AVL9: variants seen among roughly 807,000 people sequenced by gnomAD.
AVL9 encodes late secretory pathway protein AVL9 homolog.
A neutral mutation model predicts 79.2 loss-of-function variants in AVL9; 49 were observed. The ratio of observed to expected loss-of-function variants is 0.62; its 90% CI spans 0.49 to 0.79. The LOEUF is 0.79. Ranked by LOEUF, AVL9 falls within the 30% of genes least tolerant of loss-of-function variation. The pLI, the probability that AVL9 is intolerant of heterozygous loss-of-function variation, is 0.00. For synonymous variants in AVL9, 299 were observed against 280.6 expected (o/e 1.07, Z -0.65); for missense variants, 682 against 776.8 (o/e 0.88, Z 1.45).
At chr7:32,583,563 T>C (rs978528448) in intron 15 of AVL9, among the ~76,000 whole-genome samples, 3 of 152,082 alleles carry the variant, frequency 2.0e-5, no homozygotes, top group Admixed American at 6.6e-5. Context: ...CCTGTGGTCC[T>C]AGCTACTTGG....
chr7:32,525,080 T>C (rs1473328254), intron 1 of AVL9, among the ~76,000 whole-genome samples: 1 of 152,214 alleles, frequency 6.6e-6, no homozygotes. Context: ...ATGAGCTGTT[T>C]GGCTCGTGAA....
intron 11 of AVL9, among the ~76,000 whole-genome samples, chr7:32,571,072 A>T (rs1790818704): frequency 6.7e-6 from 1 of 150,352 alleles, no homozygotes; most frequent in Non-Finnish European, 1.5e-5. Context: ...TCTACTAAAA[A>T]TACAAAAAAA....
At chr7:32,514,055 C>T (rs769160667) in intron 1 of AVL9, among the ~76,000 whole-genome samples, 2 of 152,196 alleles carry the variant, frequency 1.3e-5, no homozygotes, top group East Asian at 1.9e-4. Context: ...ATAGAATGTA[C>T]GCTCGGTTTT....
intron 1 of AVL9, among the ~76,000 whole-genome samples, chr7:32,500,815 T>A (rs1787096977): frequency 6.6e-6 from 1 of 152,214 alleles, no homozygotes; most frequent in African/African-American, 2.4e-5. Context: ...AGTTTCAGTT[T>A]TCTGCATATG....
intron 9 of AVL9, 149 bp from the exon 10 acceptor site, chr7:32,558,780 T>C: frequency 9.8e-7 from 1 of 1,015,806 alleles, no homozygotes; most frequent in Non-Finnish European, 1.4e-6. Context: ...CTCTCTTTTG[T>C]CTGGGCTTCT....
At chr7:32,503,367 T>TACACACACACACACAC (rs1278670017) in intron 1 of AVL9, among the ~76,000 whole-genome samples, 1,457 of 88,150 alleles carry the variant, frequency 0.017, 42 homozygotes, top group Admixed American at 0.046. Flanking sequence ...GAGAGATATA[T>TACACACACACACACAC]ATATATACAC....
chr7:32,521,932 C>T (rs534282912), intron 1 of AVL9, among the ~76,000 whole-genome samples: 1 of 152,294 alleles, frequency 6.6e-6, no homozygotes, highest in African/African-American at 2.4e-5. Context: ...CAGGTTGTGG[C>T]CTCAGAGGGT....
At chr7:32,567,106 T>C (rs529217631) in intron 10 of AVL9, among the ~76,000 whole-genome samples, 20 of 151,812 alleles carry the variant, frequency 1.3e-4, no homozygotes, top group African/African-American at 4.9e-4. Flanking sequence ...TTTGTAACTT[T>C]GTTTGTTTGT....
chr7:32,553,776 C>A lies in AVL9; in HGVS notation c.570+9C>A. On this transcript the variant is annotated intron_variant, in intron 7 of 15. Coordinates refer to ENST00000318709, the MANE Select transcript of AVL9 (RefSeq NM_015060.3). Reference sequence around the variant, plus strand: ...TTCATTTTCGACACAAGGTATGGTACCTTATTTAAATAAATTTATGATGTA... The same window carrying A: ...TTCATTTTCGACACAAGGTATGGTAACTTATTTAAATAAATTTATGATGTA... The A allele has an allele frequency of 1.2e-6, 2 of 1,601,584 alleles. No individual in the cohort carries two copies. The highest frequency in any genetic ancestry group is 1.7e-6 in the Non-Finnish European group (2 of 1,169,848).
intron 2 of AVL9, among the ~76,000 whole-genome samples, chr7:32,544,272 A>G (rs952337966): frequency 1.3e-5 from 2 of 152,226 alleles, no homozygotes; most frequent in Admixed American, 6.5e-5. Context: ...ATCACAGCTA[A>G]GAGATGTAAC....
In AVL9 at chr7:32,583,785, C is replaced by T. The variant is rs771629305; in HGVS notation, c.1832-7C>T. The T allele has an allele frequency of 3.8e-6, 6 of 1,591,592 alleles. No individual in the cohort carries two copies. The Admixed American group carries it at 1.0e-4, about 27-fold the overall frequency. On this transcript the variant is annotated splice_region_variant and splice_polypyrimidine_tract_variant and intron_variant, in intron 15 of 15. Transcript: ENST00000318709. The stretch of plus-strand genomic sequence containing the variant: ...TTTTTCCTTTTGTTTTTCTCCTCTC[C>T]ATCCAGGCCAGTCAGTTGGAGGAGC...
intron 11 of AVL9, 65 bp from the exon 12 acceptor site, chr7:32,573,134 G>GT (rs1197658151): frequency 3.8e-6 from 5 of 1,299,880 alleles, no homozygotes; most frequent in Non-Finnish European, 5.5e-6. Flanking sequence ...TAGTTACTCT[G>GT]TAAAGTGTGG....
intron 3 of AVL9, among the ~76,000 whole-genome samples, chr7:32,548,146 T>TTTTTCTTTTG (rs143734216): frequency 1.3e-5 from 1 of 77,512 alleles, no homozygotes; most frequent in Non-Finnish European, 2.8e-5. Flanking sequence ...TGTCATCTCT[T>TTTTTCTTTTG]TTTTCTTTTT....
At chr7:32,541,350 C>T (rs1583545598) in intron 1 of AVL9, among the ~76,000 whole-genome samples, 1 of 151,254 alleles carries the variant, frequency 6.6e-6, no homozygotes, top group South Asian at 2.1e-4. Flanking sequence ...AAATAAATAT[C>T]TGTACATCAA....
At chr7:32,577,135 C>A (rs1351109086) in intron 13 of AVL9, among the ~76,000 whole-genome samples, 1 of 152,098 alleles carries the variant, frequency 6.6e-6, no homozygotes, top group Non-Finnish European at 1.5e-5. Context: ...AGATCAAGAC[C>A]ATCCTGGCTA....
At chr7:32,535,335 C>T (rs6959234) in intron 1 of AVL9, 53,991 of 151,786 alleles carry the variant, frequency 0.36, 10,039 homozygotes, top group African/African-American at 0.46. Flanking sequence ...TAAAGTTCGA[C>T]GTCACCAATC....
rs1791281744 is a variant in AVL9 at position 32,579,426 on chromosome 7, TAATA to T, written c.1689-792_1689-789del. Among the ~76,000 whole-genome samples, 7 of 4,820 alleles carry T rather than the reference TAATA, an allele frequency of 1.5e-3. 1 individual carries two copies. Among genetic ancestry groups the T allele is most frequent in the African/African-American group, 8.0e-3 (7 of 870 alleles). The allele number at this position is 4,820 out of a possible 152,430, so 3.2% of individuals were successfully genotyped here. On this transcript the variant is annotated intron_variant, in intron 13 of 15. Coordinates refer to ENST00000318709, the MANE Select transcript of AVL9 (RefSeq NM_015060.3). ...TATTATATATAATATGTTATATATA[TAATA>T]TATATATTATATATAATATATTATA...
chr7:32,557,853 C>CTTTTTTTTTTTTT (rs3079799), intron 8 of AVL9, among the ~76,000 whole-genome samples: 6 of 73,268 alleles, frequency 8.2e-5, no homozygotes, highest in Non-Finnish European at 1.1e-4. Context: ...AGCTGTTACT[C>CTTTTTTTTTTTTT]TTTTTTTTTT....
chr7:32,555,751 C>T lies in AVL9; in HGVS notation c.609+1155C>T, dbSNP rs73303564. Reference sequence around the variant, plus strand: ...TCCTTGGATCTGGGCCAGTTTTATACACCGTATTACTGTGCCTAGTGGAGT... The same window carrying T: ...TCCTTGGATCTGGGCCAGTTTTATATACCGTATTACTGTGCCTAGTGGAGT... On this transcript the variant is annotated intron_variant, in intron 8 of 15. Coordinates refer to ENST00000318709, the MANE Select transcript of AVL9 (RefSeq NM_015060.3). Among the ~76,000 whole-genome samples, 105 of 152,298 alleles carry T rather than the reference C, an allele frequency of 6.9e-4. 1 individual carries two copies. Among genetic ancestry groups the T allele is most frequent in the African/African-American group, 2.4e-3 (101 of 41,558 alleles).
Sources: gnomAD v4.1 joint callset for allele counts (sites outside exome capture counted in the v4.1 genomes callset) on GRCh38, gnomAD v4.1.1 for gene constraint, MANE v1.5 for transcripts, NCBI Gene and HGNC (gene_info 2026-07-23, HGNC 2026-07-21) for gene names.